Variants in CHST11 observed in about 807,000 individuals in gnomAD.
The protein encoded by CHST11 is C4S-1.
CHST11 carries 9 observed loss-of-function variants against 30.4 expected under a neutral mutation model. That is an observed-to-expected ratio of 0.30 (90% CI 0.18 to 0.52). The LOEUF (loss-of-function observed/expected upper bound fraction) is 0.52. Among genes scored for constraint, CHST11 ranks in the 20% least tolerant of loss-of-function variants. The pLI is 0.97. For synonymous variants in CHST11, 152 were observed against 187.8 expected, an observed-to-expected ratio of 0.81 and a Z score of 1.56; for missense variants, 348 against 460.6, an observed-to-expected ratio of 0.76 and a Z score of 2.24.
Position 104,761,956 on chromosome 12 carries a change from A to G in CHST11, c.*4153A>G, listed in dbSNP as rs1376580217. The G allele has an allele frequency of 6.6e-6, 1 of 152,244 alleles. No individual in the cohort carries two copies. Among genetic ancestry groups the G allele is most frequent in the Admixed American group, 6.5e-5 (1 of 15,276 alleles). The allele number at this position is 152,244 out of a possible 1,614,324, so 9.4% of individuals were successfully genotyped here. On this transcript the variant is annotated 3_prime_UTR_variant, in exon 3 of 3. Coordinates refer to ENST00000303694, the MANE Select transcript of CHST11 (RefSeq NM_018413.6). The stretch of plus-strand genomic sequence containing the variant: ...ATGTTCATGAACCTTCCTCCAGGAA[A>G]AGCCATTCAAGCCTGATTATTTTTC...
At chr12:104,544,769 T>TCCCCCCCCGCTC (rs199741884) in intron 1 of CHST11, among the ~76,000 whole-genome samples, 1 of 51,414 alleles carries the variant, frequency 1.9e-5, no homozygotes, top group South Asian at 1.5e-3. Context: ...GGGGTCACAG[T>TCCCCCCCCGCTC]CCCCCCACCC....
chr12:104,726,724 G>A (rs1262065836), intron 2 of CHST11, among the ~76,000 whole-genome samples: 1 of 152,116 alleles, frequency 6.6e-6, no homozygotes, highest in African/African-American at 2.4e-5. Flanking sequence ...CTGCTGTAGG[G>A]CTGAGACATT....
chr12:104,569,630 G>C (rs140779998), intron 1 of CHST11, among the ~76,000 whole-genome samples: 133 of 152,256 alleles, frequency 8.7e-4, no homozygotes, highest in Non-Finnish European at 1.5e-3. Context: ...ATAATGAAGT[G>C]GGGGAGATTC....
intron 2 of CHST11, among the ~76,000 whole-genome samples, chr12:104,711,156 A>G (rs1456078049): frequency 6.6e-6 from 1 of 152,174 alleles, no homozygotes; most frequent in African/African-American, 2.4e-5. Flanking sequence ...TCATGCCAAG[A>G]TGGGCTTGTA....
At chr12:104,657,643 A>G (rs2039557985) in intron 2 of CHST11, among the ~76,000 whole-genome samples, 1 of 152,170 alleles carries the variant, frequency 6.6e-6, no homozygotes, top group African/African-American at 2.4e-5. Context: ...TAGTTGTTTC[A>G]GATTGCTGGA....
At chr12:104,492,379 G>A (rs1248522413) in intron 1 of CHST11, among the ~76,000 whole-genome samples, 2 of 152,044 alleles carry the variant, frequency 1.3e-5, no homozygotes, top group Non-Finnish European at 2.9e-5. Flanking sequence ...TATTTTAAAG[G>A]CATGTATCAC....
At chr12:104,475,655 GCAT>G (rs764335866) in intron 1 of CHST11, among the ~76,000 whole-genome samples, 19,188 of 41,928 alleles carry the variant, frequency 0.46, 2,016 homozygotes, top group South Asian at 0.54. Context: ...GAGTAAAGCA[GCAT>G]TATATATATA....
intron 1 of CHST11, among the ~76,000 whole-genome samples, chr12:104,488,873 G>A (rs1024804865): frequency 1.3e-5 from 2 of 152,060 alleles, no homozygotes; most frequent in African/African-American, 4.8e-5. Context: ...AGTTCTGGAG[G>A]CCGGAAGTCC....
chr12:104,736,368 G>A (rs1031502109), intron 2 of CHST11, among the ~76,000 whole-genome samples: 2 of 152,186 alleles, frequency 1.3e-5, no homozygotes, highest in South Asian at 4.1e-4. Context: ...GGGCCATTTT[G>A]TAGAGGGTGA....
At chr12:104,559,720 G>A (rs554222098) in intron 1 of CHST11, among the ~76,000 whole-genome samples, 2 of 152,014 alleles carry the variant, frequency 1.3e-5, no homozygotes, top group Non-Finnish European at 2.9e-5. Flanking sequence ...TCCAGCCTGG[G>A]CAACAAGAGT....
intron 1 of CHST11, among the ~76,000 whole-genome samples, chr12:104,492,694 C>T (rs1424871609): frequency 6.6e-6 from 1 of 152,202 alleles, no homozygotes; most frequent in Non-Finnish European, 1.5e-5. Context: ...AAGATACTAC[C>T]ATGGGACATG....
At position 104,569,114 on chromosome 12, in the gene CHST11, G is replaced by C. The variant is rs893213848; in HGVS notation, c.119-32792G>C. Among the ~76,000 whole-genome samples the C allele has an allele frequency of 4.6e-5, 7 of 151,996 alleles. No individual in the cohort carries two copies. In the South Asian group the frequency reaches 1.5e-3, roughly 32 times the overall value. ...AGGCATGGAGAGGGTTAGTATCCAC[G>C]GTCACAGAGCCAGGATGTGACAGGA... On this transcript the variant is annotated intron_variant, in intron 1 of 2. Transcript: ENST00000303694.
At chr12:104,606,464 A>T (rs1372101546) in intron 2 of CHST11, among the ~76,000 whole-genome samples, 1 of 152,154 alleles carries the variant, frequency 6.6e-6, no homozygotes, top group African/African-American at 2.4e-5. Context: ...CGTCTCATGG[A>T]ATCTTTACAA....
chr12:104,642,148 T>A (rs1213716487), intron 2 of CHST11, among the ~76,000 whole-genome samples: 1 of 152,142 alleles, frequency 6.6e-6, no homozygotes, highest in Non-Finnish European at 1.5e-5. Flanking sequence ...CTCATCTCAG[T>A]ATTGTTCACA....
At chr12:104,694,952 G>T (rs578208056) in intron 2 of CHST11, among the ~76,000 whole-genome samples, 12 of 152,176 alleles carry the variant, frequency 7.9e-5, no homozygotes, top group African/African-American at 2.2e-4. Flanking sequence ...GGCTGAGGGG[G>T]TTCCCACCGG....
intron 2 of CHST11, among the ~76,000 whole-genome samples, chr12:104,629,590 G>C (rs1262343373): frequency 6.6e-6 from 1 of 152,084 alleles, no homozygotes; most frequent in African/African-American, 2.4e-5. Context: ...GGGAGGCCGA[G>C]GCAGGCAGAT....
chr12:104,662,720 A>T (rs927649417), intron 2 of CHST11, among the ~76,000 whole-genome samples: 3 of 152,202 alleles, frequency 2.0e-5, no homozygotes, highest in African/African-American at 7.2e-5. Context: ...AAAACTGCTG[A>T]TATGGAATGT....
At chr12:104,529,632 T>C (rs968245490) in intron 1 of CHST11, among the ~76,000 whole-genome samples, 1 of 152,354 alleles carries the variant, frequency 6.6e-6, no homozygotes, top group South Asian at 2.1e-4. Flanking sequence ...CTTCAATGTA[T>C]GCCTTTCATC....
chr12:104,523,855 G>A (rs77055346), intron 1 of CHST11, among the ~76,000 whole-genome samples: 3,638 of 152,196 alleles, frequency 0.024, 146 homozygotes, highest in East Asian at 0.18. Flanking sequence ...ACCCTGCAGT[G>A]CCTAGGCACT....
Sources: allele counts gnomAD v4.1 joint callset (sites outside exome capture counted in the v4.1 genomes callset), GRCh38; gene constraint gnomAD v4.1.1; transcripts MANE v1.5; gene names NCBI Gene and HGNC (gene_info 2026-07-23, HGNC 2026-07-21).